FRMD3: variants seen among roughly 807,000 people sequenced by gnomAD.
FRMD3 encodes FERM domain-containing protein 3.
FRMD3 carries 33 observed loss-of-function variants against 70.2 expected under a neutral mutation model. That is an observed-to-expected ratio of 0.47 (90% CI 0.36 to 0.63). The LOEUF is 0.63. Ranked by LOEUF, FRMD3 falls within the 20% of genes least tolerant of loss-of-function variation. The pLI, the probability that FRMD3 is intolerant of heterozygous loss-of-function variation, is 0.00. For missense variants in FRMD3, 632 were observed against 711.4 expected (o/e 0.89, Z 1.27); for synonymous variants, 279 against 255.9 (o/e 1.09, Z -0.86).
intron 12 of FRMD3, among the ~76,000 whole-genome samples, chr9:83,294,811 G>A (rs975995721): frequency 6.6e-6 from 1 of 152,174 alleles, no homozygotes. Flanking sequence ...TCCCAAAGGA[G>A]ACTCTGCTTG....
chr9:83,429,675 G>C (rs1454921310), intron 1 of FRMD3, among the ~76,000 whole-genome samples: 1 of 152,136 alleles, frequency 6.6e-6, no homozygotes, highest in African/African-American at 2.4e-5. Flanking sequence ...GTGAGAATGT[G>C]TGCATGATGC....
intron 1 of FRMD3, among the ~76,000 whole-genome samples, chr9:83,528,443 A>C (rs1330303042): frequency 1.3e-5 from 2 of 151,960 alleles, no homozygotes; most frequent in Non-Finnish European, 2.9e-5. Context: ...GGCAAAGAAG[A>C]AGCATATAAG....
At chr9:83,561,508 A>G in the FRMD3 span, among the ~76,000 whole-genome samples, 1 of 152,222 alleles carries the variant, frequency 6.6e-6, no homozygotes, top group Non-Finnish European at 1.5e-5. Context: ...TAGCCCTTAA[A>G]TTTCCATAAA....
intron 1 of FRMD3, among the ~76,000 whole-genome samples, chr9:83,455,478 T>C (rs1031452629): frequency 6.6e-6 from 1 of 152,174 alleles, no homozygotes; most frequent in Admixed American, 6.5e-5. Context: ...TTGCCACTTT[T>C]GCTTCTTCCT....
intron 1 of FRMD3, among the ~76,000 whole-genome samples, chr9:83,469,804 A>T (rs1828224048): frequency 6.6e-6 from 1 of 152,210 alleles, no homozygotes; most frequent in African/African-American, 2.4e-5. Context: ...ATTAAAACTC[A>T]TGCAGCCAGT....
intron 13 of FRMD3, among the ~76,000 whole-genome samples, chr9:83,273,595 C>T (rs1406646537): frequency 1.8e-5 from 2 of 111,918 alleles, no homozygotes; most frequent in Admixed American, 9.0e-5. Flanking sequence ...CTGCCAAATC[C>T]GATCAATAAA....
chr9:83,353,202 T>A (rs1164973579), intron 3 of FRMD3, among the ~76,000 whole-genome samples: 1 of 140,320 alleles, frequency 7.1e-6, no homozygotes, highest in Non-Finnish European at 1.5e-5. Flanking sequence ...GTCACAGTGA[T>A]CCAGGAGTAG....
chr9:83,575,769 C>T, the FRMD3 span, among the ~76,000 whole-genome samples: 5 of 152,152 alleles, frequency 3.3e-5, no homozygotes, highest in South Asian at 2.1e-4. Flanking sequence ...TTTAAACTTC[C>T]GACGAGGAAA....
At chr9:83,302,138 G>C (rs991862000) in intron 10 of FRMD3, among the ~76,000 whole-genome samples, 10 of 152,198 alleles carry the variant, frequency 6.6e-5, no homozygotes, top group East Asian at 5.8e-4. Context: ...GAGAAAGAAT[G>C]GTGGCCAGGT....
At chr9:83,550,873 T>G in the FRMD3 span, among the ~76,000 whole-genome samples, 1 of 152,162 alleles carries the variant, frequency 6.6e-6, no homozygotes, top group Non-Finnish European at 1.5e-5. Context: ...AAGGAGATTT[T>G]GGGACAAGAC....
intron 13 of FRMD3, among the ~76,000 whole-genome samples, chr9:83,275,026 G>A (rs1021159236): frequency 1.8e-4 from 27 of 152,200 alleles, no homozygotes; most frequent in African/African-American, 2.4e-5. Context: ...GTCAGCAGGA[G>A]CAGGTTTGAG....
intron 1 of FRMD3, among the ~76,000 whole-genome samples, chr9:83,484,287 C>A (rs370233761): frequency 6.6e-6 from 1 of 152,182 alleles, no homozygotes; most frequent in African/African-American, 2.4e-5. Context: ...ATATAGAATA[C>A]AACATATGTA....
chr9:83,462,382 C>T lies in FRMD3; in HGVS notation c.148-72674G>A, dbSNP rs956136587. ...TCAAGGAGGCCCCTGGGGGTCTTAT[C>T]CTCTAGTCCTCAATGATTACAGCTA... On this transcript the variant is annotated intron_variant, in intron 1 of 13. Transcript: ENST00000304195. 1.6e-4 allele frequency among the ~76,000 whole-genome samples: 24 copies of T among 152,272 alleles called. 1 individual carries two copies. The highest frequency in any genetic ancestry group is 8.3e-4 in the South Asian group (4 of 4,820).
chr9:83,583,616 A>T, the FRMD3 span, among the ~76,000 whole-genome samples: 1 of 152,108 alleles, frequency 6.6e-6, no homozygotes, highest in Non-Finnish European at 1.5e-5. Context: ...CTTGTTGAAA[A>T]AAAAATTTTT....
chr9:83,262,738 TC>T (rs1833044690), intron 13 of FRMD3, among the ~76,000 whole-genome samples: 1 of 152,188 alleles, frequency 6.6e-6, no homozygotes, highest in African/African-American at 2.4e-5. Flanking sequence ...TCCTGGAATG[TC>T]CTCTGCACCC....
At chr9:83,538,408 G>A (rs961246420), upstream of FRMD3, 2 of 441,714 alleles carry the variant, frequency 4.5e-6, no homozygotes, top group Non-Finnish European at 3.7e-6. The surrounding 1 kb of genome is among the most constrained non-coding windows in gnomAD (Gnocchi z 4.7). Context: ...CGGCGGGCGG[G>A]TCCCTCCCTC....
At chr9:83,443,259 T>C (rs1827357138) in intron 1 of FRMD3, among the ~76,000 whole-genome samples, 1 of 152,194 alleles carries the variant, frequency 6.6e-6, no homozygotes, top group Middle Eastern at 3.2e-3. Flanking sequence ...TCATTTACAT[T>C]AGGTATTTCT....
chr9:83,477,074 T>G (rs2131468726), intron 1 of FRMD3, among the ~76,000 whole-genome samples: 1 of 152,196 alleles, frequency 6.6e-6, no homozygotes, highest in South Asian at 2.1e-4. Context: ...TGGTTATGAG[T>G]CTAGAATGCT....
intron 13 of FRMD3, among the ~76,000 whole-genome samples, chr9:83,268,937 G>C (rs1009461838): frequency 1.3e-5 from 2 of 152,168 alleles, no homozygotes; most frequent in African/African-American, 4.8e-5. Flanking sequence ...ATATAATTCT[G>C]AGCAGAATCC....
Sources: allele counts gnomAD v4.1 joint callset (sites outside exome capture counted in the v4.1 genomes callset), GRCh38; gene constraint gnomAD v4.1.1; non-coding constraint Gnocchi (gnomAD v3.1); transcripts MANE v1.5; gene names NCBI Gene and HGNC (gene_info 2026-07-23, HGNC 2026-07-21).